The following PUM2 variants were observed in gnomAD, a reference collection of about 807,000 sequenced individuals.
PUM2 encodes the protein pumilio RNA binding family member 2.
In PUM2, 57 loss-of-function variants were observed where a neutral mutation model predicts 124.5. The observed-to-expected ratio is 0.46, with a 90% CI of 0.37 to 0.57. PUM2 has a LOEUF of 0.57. Ranked by LOEUF, PUM2 falls within the 20% of genes least tolerant of loss-of-function variation. The pLI, the probability that PUM2 is intolerant of heterozygous loss-of-function variation, is 0.00. For synonymous variants in PUM2, 460 were observed against 446.1 expected (o/e 1.03, Z -0.39); for missense variants, 1,065 against 1,290.6 (o/e 0.83, Z 2.68).
At position 20,249,923 on chromosome 2, in the gene PUM2, G is replaced by A. The variant is rs1662904245; in HGVS notation, c.*1662C>T. 1 of 152,602 alleles carries A rather than the reference G, an allele frequency of 6.6e-6. No individual in the cohort carries two copies. The highest frequency in any genetic ancestry group is 1.9e-4 in the East Asian group (1 of 5,198). 9.5% of individuals were successfully genotyped at this position (152,602 alleles called of 1,614,324 possible). On this transcript the variant is annotated 3_prime_UTR_variant, in exon 21 of 21. Coordinates refer to ENST00000361078, the MANE Select transcript of PUM2 (RefSeq NM_015317.5). ...GTCACAATTTTGCCTTAAAAAGATT[G>A]TTGGGAAATGTACATAAGGCCGCTT... is the stretch of plus-strand genomic sequence containing the variant.
rs1193145321 is a variant in PUM2 at position 20,311,558 on chromosome 2, C to T, written c.454G>A (p.Asp152Asn). 1.9e-6 allele frequency: 3 copies of T among 1,613,410 alleles called. No homozygotes were observed. In the African/African-American group the frequency reaches 4.0e-5, roughly 22 times the overall value. Residue 152 changes from aspartate to asparagine, a missense_variant, in exon 5 of 21, where the codon GAT (aspartate) becomes AAT (asparagine). By Grantham distance (23) the Asp-to-Asn change is conservative. This residue lies in a region of PUM2 where 968 missense variants were observed against 1,159.8 expected (regional missense o/e 0.83). Transcript: ENST00000361078. ...QNRDLKQGDD[D>N]DSKINGRGLP... ...CCTCTGCCATTTATTTTAGAATCAT[C>T]ATCATCTCCTTGTTTAAGATCTCTG...
At chr2:20,352,173 C>T (rs1476767694), upstream of PUM2, 2 of 152,240 alleles carry the variant, frequency 1.3e-5, no homozygotes, top group African/African-American at 2.4e-5. Flanking sequence ...TACCAAGCCT[C>T]GCAGATTTTT....
At chr2:20,265,030 T>A (rs1431656471) in intron 13 of PUM2, among the ~76,000 whole-genome samples, 2 of 152,050 alleles carry the variant, frequency 1.3e-5, no homozygotes, top group Non-Finnish European at 2.9e-5. Context: ...AGCTACCTGG[T>A]GCCTGGAACA....
At chr2:20,298,823 G>A (rs976959011) in intron 7 of PUM2, among the ~76,000 whole-genome samples, 1 of 152,228 alleles carries the variant, frequency 6.6e-6, no homozygotes, top group Non-Finnish European at 1.5e-5. Context: ...TGGGCAAGAG[G>A]GCGAGACTCC....
At chr2:20,256,630 T>C (rs1245940718) in intron 16 of PUM2, among the ~76,000 whole-genome samples, 4 of 152,192 alleles carry the variant, frequency 2.6e-5, no homozygotes, top group African/African-American at 7.2e-5. Flanking sequence ...ATCAAGTACA[T>C]AGAAAAGGCT....
intron 8 of PUM2, among the ~76,000 whole-genome samples, chr2:20,297,155 T>C (rs1246249734): frequency 6.6e-6 from 1 of 152,214 alleles, no homozygotes; most frequent in Admixed American, 6.5e-5. Flanking sequence ...AATTACTGTA[T>C]CTGTTTATCT....
chr2:20,309,428 T>C (rs906247367), intron 5 of PUM2, among the ~76,000 whole-genome samples: 3 of 148,128 alleles, frequency 2.0e-5, no homozygotes, highest in African/African-American at 7.4e-5. Flanking sequence ...TCTTTCTACA[T>C]TAAAAAAAAA....
chr2:20,319,908 A>C (rs145030648), intron 2 of PUM2, among the ~76,000 whole-genome samples: 136 of 152,334 alleles, frequency 8.9e-4, no homozygotes, highest in African/African-American at 3.0e-3. Context: ...AAGAATAACA[A>C]ATAGAAAGAA....
chr2:20,325,774 G>A lies in PUM2; in HGVS notation c.51+1536C>T, dbSNP rs1020410482. Among the ~76,000 whole-genome samples, 17 of 152,002 alleles carry A rather than the reference G, an allele frequency of 1.1e-4. 3 individuals carry two copies. The highest frequency in any genetic ancestry group is 2.2e-4 in the African/African-American group (9 of 41,462). ...GTAGCTGGGACTACAGGCGCCTGCC[G>A]CCACGCCCGGCTAATTTTTTGTATT... On this transcript the variant is annotated intron_variant, in intron 2 of 20. Coordinates refer to ENST00000361078, the MANE Select transcript of PUM2 (RefSeq NM_015317.5).
chr2:20,290,451 CGTTGAGT>C (rs1673764741), intron 10 of PUM2, among the ~76,000 whole-genome samples, 194 bp downstream of exon 10: 1 of 6,890 alleles, frequency 1.5e-4, no homozygotes, highest in African/African-American at 7.8e-4. Context: ...CCATTCCTGT[CGTTGAGT>C]CTCAATTTAC....
intron 10 of PUM2, among the ~76,000 whole-genome samples, chr2:20,288,276 T>C (rs1217479444): frequency 2.0e-5 from 3 of 152,210 alleles, no homozygotes; most frequent in Admixed American, 2.0e-4. Flanking sequence ...GAAAAGGCTA[T>C]GAGTGAAATA....
rs995511727 is a variant in PUM2 at position 20,323,953 on chromosome 2, AC to A, written c.51+3356del. On this transcript the variant is annotated intron_variant, in intron 2 of 20. Transcript: ENST00000361078. Reference sequence around the variant, plus strand: ...AAAAAAAAAAATCCAGTATCAGATCACCACTGGGAATAAGGAAAAAATAAAA... The same window carrying A: ...AAAAAAAAAAATCCAGTATCAGATCACACTGGGAATAAGGAAAAAATAAAA... Among the ~76,000 whole-genome samples, 9 of 143,998 alleles carry A rather than the reference AC, an allele frequency of 6.3e-5. No homozygotes were observed. In the Admixed American group the frequency reaches 6.4e-4, roughly 10 times the overall value. The allele number at this position is 143,998 out of a possible 152,430, so 94.5% of individuals were successfully genotyped here. A position where few individuals can be genotyped will look rare whatever the true frequency, so the allele number is the denominator to read the frequency against.
chr2:20,264,367 A>AAATATATATAT (rs1553362305), intron 13 of PUM2, among the ~76,000 whole-genome samples: 3 of 26,616 alleles, frequency 1.1e-4, no homozygotes, highest in African/African-American at 1.2e-4. Context: ...AAAAAAAAAA[A>AAATATATATAT]ATATATATAT....
chr2:20,339,386 C>T (rs2149046610), intron 1 of PUM2, among the ~76,000 whole-genome samples: 1 of 151,792 alleles, frequency 6.6e-6, no homozygotes, highest in East Asian at 1.9e-4. Context: ...AACGAAGCAT[C>T]ACTTAAAAGA....
chr2:20,345,102 T>C (rs925919894), intron 1 of PUM2, among the ~76,000 whole-genome samples: 2 of 150,746 alleles, frequency 1.3e-5, no homozygotes, highest in Non-Finnish European at 3.0e-5. Context: ...TTTTTTTTTT[T>C]TGCGGCGGGG....
intron 10 of PUM2, 96 bp from the exon 11 acceptor site, chr2:20,283,582 A>T: frequency 8.1e-7 from 1 of 1,228,756 alleles, no homozygotes; most frequent in Non-Finnish European, 1.1e-6. Context: ...TAGACAACAC[A>T]GCTATTTGTA....
Position 20,318,876 on chromosome 2 carries a change from A to G in PUM2, c.52-231T>C, listed in dbSNP as rs139238411. Among the ~76,000 whole-genome samples the G allele has an allele frequency of 3.3e-5, 5 of 152,260 alleles. No individual in the cohort carries two copies. In the East Asian group the frequency reaches 9.6e-4, roughly 29 times the overall value. ...AAACAAAAATCAAAATCTACTTCTG[A>G]CTTTTCTTCACTTTTCATACATTTT... On this transcript the variant is annotated intron_variant, in intron 2 of 20. Coordinates refer to ENST00000361078, the MANE Select transcript of PUM2 (RefSeq NM_015317.5).
Position 20,283,523 on chromosome 2 carries a change from T to C in PUM2, c.1292-37A>G, listed in dbSNP as rs751772809. ...AAAGGTTTACTAATGAAAGCACTTA[T>C]TACAAAAACATGCATATTTGTTTTT... On this transcript the variant is annotated intron_variant, in intron 10 of 20. Transcript: ENST00000361078. 3 of 1,562,802 alleles carry C rather than the reference T, an allele frequency of 1.9e-6. No homozygotes were observed. The East Asian group carries it at 6.8e-5, about 35-fold the overall frequency.
intron 3 of PUM2, among the ~76,000 whole-genome samples, chr2:20,314,117 G>C (rs1275618607): frequency 6.6e-6 from 1 of 152,086 alleles, no homozygotes; most frequent in East Asian, 1.9e-4. Context: ...CTGCACTCCA[G>C]CCTGGGTGAC....
Sources: allele counts gnomAD v4.1 joint callset (sites outside exome capture counted in the v4.1 genomes callset), GRCh38; gene constraint gnomAD v4.1.1; regional missense constraint gnomAD v4.1.1; transcripts MANE v1.5; gene names NCBI Gene and HGNC (gene_info 2026-07-23, HGNC 2026-07-21).